Variants in GRID1 observed in about 807,000 individuals in gnomAD.
The protein encoded by GRID1 is glutamate receptor ionotropic, delta-1.
A neutral mutation model predicts 98.0 loss-of-function variants in GRID1; 28 were observed. The ratio of observed to expected loss-of-function variants is 0.29; its 90% confidence interval spans 0.21 to 0.39. GRID1 has a LOEUF of 0.39. Ranked by LOEUF, GRID1 falls within the 10% of genes least tolerant of loss-of-function variation. The pLI is 1.00. For missense variants in GRID1, 1,111 were observed against 1,340.5 expected (o/e 0.83, Z 2.67); for synonymous variants, 553 against 538.5 (o/e 1.03, Z -0.37).
rs542026794 is a variant in GRID1 at position 85,601,461 on chromosome 10, C to T, written c.*812G>A. On this transcript the variant is annotated 3_prime_UTR_variant, in exon 16 of 16. Coordinates refer to ENST00000327946, the MANE Select transcript of GRID1 (RefSeq NM_017551.3). ...CCCTGAGGAAACGATGGAGTCTGCC[C>T]TCCTTCCCCCAATATTCTATCACTT... 2 of 152,204 alleles carry T rather than the reference C, an allele frequency of 1.3e-5. No homozygotes were observed. Among genetic ancestry groups the T allele is most frequent in the South Asian group, 2.1e-4 (1 of 4,826 alleles). 9.4% of individuals were successfully genotyped at this position (152,204 alleles called of 1,614,324 possible).
In GRID1 at chr10:86,195,181, G is replaced by T. The variant is rs76738002; in HGVS notation, c.520+11183C>A. Among the ~76,000 whole-genome samples, 6,708 of 152,116 alleles carry T rather than the reference G, an allele frequency of 0.044. 248 individuals carry two copies. Among genetic ancestry groups the T allele is most frequent in the South Asian group, 0.077 (372 of 4,800 alleles). Reference sequence around the variant, plus strand: ...TTGGGATCAGCTGAGCCATGAGAGGGCCACACTGCACAGTCAGCGACTGTG... The same window carrying T: ...TTGGGATCAGCTGAGCCATGAGAGGTCCACACTGCACAGTCAGCGACTGTG... On this transcript the variant is annotated intron_variant, in intron 3 of 15. Transcript: ENST00000327946. This position sits in a 1 kb window ranked among gnomAD's most constrained non-coding sequence, Gnocchi z 4.4.
chr10:85,895,056 C>T (rs1287555128), intron 5 of GRID1, among the ~76,000 whole-genome samples: 1 of 145,054 alleles, frequency 6.9e-6, no homozygotes, highest in Admixed American at 6.9e-5. Context: ...ATATAACTCA[C>T]CCTGCACAGA....
At chr10:85,696,740 G>A (rs1841399286) in intron 12 of GRID1, among the ~76,000 whole-genome samples, 2 of 151,812 alleles carry the variant, frequency 1.3e-5, no homozygotes, top group Admixed American at 1.3e-4. Context: ...TAAGAATCCT[G>A]AATTTAAGCA....
At chr10:85,707,914 G>C (rs1486806494) in intron 12 of GRID1, among the ~76,000 whole-genome samples, 1 of 151,914 alleles carries the variant, frequency 6.6e-6, no homozygotes, top group Non-Finnish European at 1.5e-5. Flanking sequence ...ATTGAACAAT[G>C]AGAACACATG....
intron 4 of GRID1, among the ~76,000 whole-genome samples, chr10:85,973,663 T>A (rs918233543): frequency 6.6e-6 from 1 of 152,220 alleles, no homozygotes; most frequent in East Asian, 1.9e-4. Context: ...TTTCTAATCA[T>A]TTTGTAAAAA....
intron 2 of GRID1, among the ~76,000 whole-genome samples, chr10:86,345,387 G>A (rs1021252694): frequency 2.0e-5 from 3 of 152,156 alleles, no homozygotes; most frequent in African/African-American, 7.2e-5. Context: ...AAATTTGGGG[G>A]TCTAAGCCCT....
intron 2 of GRID1, among the ~76,000 whole-genome samples, chr10:86,316,392 T>C (rs968614198): frequency 6.6e-6 from 1 of 152,214 alleles, no homozygotes; most frequent in Admixed American, 6.5e-5. Context: ...GGGAACCCAG[T>C]CTAAGCCAGT....
chr10:86,019,865 A>T (rs1843027329), intron 4 of GRID1, among the ~76,000 whole-genome samples: 1 of 152,268 alleles, frequency 6.6e-6, no homozygotes, highest in South Asian at 2.1e-4. Context: ...GAGCACACTG[A>T]TGGCAGCAGC....
At chr10:86,143,323 C>T (rs1845035709) in intron 3 of GRID1, among the ~76,000 whole-genome samples, 1 of 152,176 alleles carries the variant, frequency 6.6e-6, no homozygotes, top group South Asian at 2.1e-4. Flanking sequence ...CCACGGAACC[C>T]CACTTCTCCC....
intron 4 of GRID1, among the ~76,000 whole-genome samples, chr10:86,024,801 G>T (rs1406491966): frequency 6.6e-6 from 1 of 152,138 alleles, no homozygotes; most frequent in African/African-American, 2.4e-5. Flanking sequence ...GCATGCAAGG[G>T]TCTGCCTGCC....
chr10:85,776,097 C>G (rs1842328163), intron 8 of GRID1, among the ~76,000 whole-genome samples: 2 of 152,172 alleles, frequency 1.3e-5, no homozygotes, highest in Non-Finnish European at 2.9e-5. Context: ...ACTGAAGAGA[C>G]TTGGGTTTGT....
intron 12 of GRID1, among the ~76,000 whole-genome samples, chr10:85,718,414 A>C (rs920199456): frequency 1.4e-5 from 2 of 143,418 alleles, no homozygotes; most frequent in African/African-American, 2.6e-5. Flanking sequence ...TTTCCCTTCC[A>C]CACTGCCCTA....
At chr10:86,096,186 G>C (rs1844218550) in intron 4 of GRID1, among the ~76,000 whole-genome samples, 1 of 152,010 alleles carries the variant, frequency 6.6e-6, no homozygotes, top group Non-Finnish European at 1.5e-5. Flanking sequence ...ATGGACCTTG[G>C]GGACTTGGGG....
intron 8 of GRID1, among the ~76,000 whole-genome samples, chr10:85,811,979 G>T (rs1842675985): frequency 6.6e-6 from 1 of 152,098 alleles, no homozygotes; most frequent in Non-Finnish European, 1.5e-5. Context: ...AGGTATAAGA[G>T]AATTCCAATT....
chr10:86,150,329 G>A (rs1200603699), intron 3 of GRID1, among the ~76,000 whole-genome samples: 1 of 152,176 alleles, frequency 6.6e-6, no homozygotes, highest in Non-Finnish European at 1.5e-5. Context: ...CGGCTTGTGA[G>A]GAAGGCTAAC....
At chr10:85,813,144 G>C (rs942416626) in intron 8 of GRID1, among the ~76,000 whole-genome samples, 2 of 151,306 alleles carry the variant, frequency 1.3e-5, no homozygotes, top group African/African-American at 4.8e-5. Flanking sequence ...CAGAAGAAGA[G>C]AAAAACATTT....
At chr10:86,080,843 CA>C (rs961853885) in intron 4 of GRID1, among the ~76,000 whole-genome samples, 41 of 152,114 alleles carry the variant, frequency 2.7e-4, no homozygotes, top group African/African-American at 9.6e-4. Context: ...ATTTTACCAC[CA>C]AGGGACAGGG....
chr10:85,819,671 T>C (rs1842744909), intron 8 of GRID1, among the ~76,000 whole-genome samples: 2 of 152,068 alleles, frequency 1.3e-5, no homozygotes, highest in Non-Finnish European at 2.9e-5. Flanking sequence ...CCTAGCACTT[T>C]GGGAGGCAGA....
intron 4 of GRID1, among the ~76,000 whole-genome samples, chr10:85,987,082 C>T (rs1176336729): frequency 6.6e-6 from 1 of 152,006 alleles, no homozygotes; most frequent in Non-Finnish European, 1.5e-5. Context: ...GGGGACACCA[C>T]GGGCACCTAG....
Sources: allele counts gnomAD v4.1 joint callset (sites outside exome capture counted in the v4.1 genomes callset), GRCh38; gene constraint gnomAD v4.1.1; non-coding constraint Gnocchi (gnomAD v3.1); transcripts MANE v1.5; gene names NCBI Gene and HGNC (gene_info 2026-07-23, HGNC 2026-07-21).